Variants in DAPK1 observed in about 807,000 individuals in gnomAD.
DAPK1 encodes death-associated protein kinase 1.
A neutral mutation model predicts 144.9 loss-of-function variants in DAPK1; 56 were observed. The observed-to-expected ratio is 0.39, with a 90% confidence interval of 0.31 to 0.48. The LOEUF (loss-of-function observed/expected upper bound fraction) is 0.48, where lower values mean the gene tolerates loss of function less well. Among genes scored for constraint, DAPK1 ranks in the 20% least tolerant of loss-of-function variants. The probability of loss-of-function intolerance (pLI) is 0.95; values close to 1 mark genes in which losing one functional copy is unlikely to be tolerated. For missense variants in DAPK1, 1,454 were observed against 1,875.4 expected (o/e 0.78, Z 4.15); for synonymous variants, 690 against 749.0 (o/e 0.92, Z 1.29).
rs1830349887 is a variant in DAPK1, at chr9:87,648,868, A to G, written c.1417A>G (p.Ile473Val). The G allele has an allele frequency of 6.2e-7, 1 of 1,613,968 alleles. No individual in the cohort carries two copies. The highest frequency in any genetic ancestry group is 8.5e-7 in the Non-Finnish European group (1 of 1,179,940). ...LLCSFGSNPN[I>V]QDKEEETPLH... ...GTGCAGCTTCGGCTCAAATCCCAAT[A>G]TCCAGGACAAGGTGGGTCGTGACTG... Residue 473 changes from isoleucine to valine, a missense_variant, in exon 15 of 26, where the codon ATC becomes GTC. Ile to Val is a conservative substitution (Grantham distance 29, BLOSUM62 3). Transcript: ENST00000408954.
chr9:87,599,463 G>A (rs77773552), intron 2 of DAPK1, among the ~76,000 whole-genome samples: 8,059 of 152,202 alleles, frequency 0.053, 369 homozygotes, highest in East Asian at 0.24. Context: ...TATGAAGCTT[G>A]CTCCTTTTCG....
chr9:87,543,187 C>T (rs757779628), intron 2 of DAPK1, among the ~76,000 whole-genome samples: 71 of 152,114 alleles, frequency 4.7e-4, no homozygotes, highest in Non-Finnish European at 7.2e-4. Context: ...AATTCTTGGT[C>T]GGGGCTGTGA....
At chr9:87,696,689 C>G (rs1825269818) in intron 21 of DAPK1, among the ~76,000 whole-genome samples, 1 of 152,192 alleles carries the variant, frequency 6.6e-6, no homozygotes, top group African/African-American at 2.4e-5. Context: ...AACTAATCCA[C>G]TCTCACAAGA....
In DAPK1 at chr9:87,553,245, G is replaced by GC. The variant is rs199991539; in HGVS notation, c.63-51709_63-51708insC. Reference sequence around the variant, plus strand: ...TTCCTTGACTTGTGTCTGTCATGTGGGGGGGGTTGGGTGATTGGAAATATT... The same window carrying GC: ...TTCCTTGACTTGTGTCTGTCATGTGGCGGGGGGTTGGGTGATTGGAAATATT... On this transcript the variant is annotated intron_variant, in intron 2 of 25. Coordinates refer to ENST00000408954, the MANE Select transcript of DAPK1 (RefSeq NM_004938.4). 8.7e-3 allele frequency among the ~76,000 whole-genome samples: 1,320 copies of GC among 151,886 alleles called. 9 individuals carry two copies. The highest frequency in any genetic ancestry group is 0.012 in the Non-Finnish European group (782 of 67,900).
rs1340805950 is a variant in DAPK1, at chr9:87,708,580, A to T, written c.*1216A>T. On this transcript the variant is annotated 3_prime_UTR_variant, in exon 26 of 26. Transcript: ENST00000408954. ...TTTACTTAATCTATAAAATGTCGTT[A>T]AAAAGTTGTTTGTTTTTTTCTTTTT... 6.5e-6 allele frequency: 1 copy of T among 152,696 alleles called. No individual in the cohort carries two copies. The highest frequency in any genetic ancestry group is 2.4e-5 in the African/African-American group (1 of 41,558). The allele number at this position is 152,696 out of a possible 1,614,324, so 9.5% of individuals were successfully genotyped here.
At chr9:87,588,023 G>T (rs1046938186) in intron 2 of DAPK1, among the ~76,000 whole-genome samples, 1 of 152,184 alleles carries the variant, frequency 6.6e-6, no homozygotes, top group African/African-American at 2.4e-5. Context: ...TGGTTAATAC[G>T]TTGTTTGTCA....
chr9:87,601,906 G>A (rs3128522), intron 2 of DAPK1, among the ~76,000 whole-genome samples: 87,829 of 152,008 alleles, frequency 0.58, 27,924 homozygotes, highest in Non-Finnish European at 0.7. Context: ...AGATTCAGGC[G>A]TCAGCTGCAG....
chr9:87,686,872 G>C lies in DAPK1; in HGVS notation c.2413+133G>C. On this transcript the variant is annotated intron_variant, in intron 21 of 25. Coordinates refer to ENST00000408954, the MANE Select transcript of DAPK1 (RefSeq NM_004938.4). The surrounding 1 kb of genome is among the most constrained non-coding windows in gnomAD (Gnocchi z 4.2). ...GAAATCCAACACAGACTGATATTCA[G>C]AGTGAGCCAGGACTGAAGCATGGCT... The C allele has an allele frequency of 7.0e-7, 1 of 1,429,190 alleles. No homozygotes were observed. The highest frequency in any genetic ancestry group is 1.5e-5 in the South Asian group (1 of 68,530). The allele number at this position is 1,429,190 out of a possible 1,614,324, so 88.5% of individuals were successfully genotyped here.
chr9:87,538,356 A>C (rs943063872), intron 2 of DAPK1, among the ~76,000 whole-genome samples: 1 of 152,210 alleles, frequency 6.6e-6, no homozygotes, highest in Admixed American at 6.5e-5. Context: ...AAAGAAAATC[A>C]TTGTAAATAT....
chr9:87,699,244 C>T (rs1415146159), intron 23 of DAPK1, among the ~76,000 whole-genome samples: 1 of 152,136 alleles, frequency 6.6e-6, no homozygotes, highest in Non-Finnish European at 1.5e-5. Context: ...ATGAAAGCAA[C>T]CCCCTTCTTT....
intron 2 of DAPK1, among the ~76,000 whole-genome samples, chr9:87,559,844 A>G (rs75337578): frequency 0.12 from 17,779 of 152,046 alleles, 1,340 homozygotes; most frequent in Admixed American, 0.16. Context: ...CAGTGTCACC[A>G]GACTCGTGTG....
At chr9:87,700,389 A>G in intron 24 of DAPK1, 152 bp downstream of exon 24, 2 of 639,556 alleles carry the variant, frequency 3.1e-6, no homozygotes, top group East Asian at 5.0e-5. Flanking sequence ...AAGGAAGAAT[A>G]GAGAAACAAG....
chr9:87,602,474 G>A (rs930923507), intron 2 of DAPK1, among the ~76,000 whole-genome samples: 1 of 152,160 alleles, frequency 6.6e-6, no homozygotes, highest in African/African-American at 2.4e-5. Flanking sequence ...TGCCATCAGG[G>A]CTAACCTGCC....
chr9:87,635,338 C>T (rs778040668), intron 3 of DAPK1, among the ~76,000 whole-genome samples: 3 of 152,088 alleles, frequency 2.0e-5, no homozygotes, highest in African/African-American at 4.8e-5. Flanking sequence ...AAACTCCTGA[C>T]GTTTCTCATT....
chr9:87,688,350 G>A (rs751524309), intron 21 of DAPK1, among the ~76,000 whole-genome samples: 6 of 152,060 alleles, frequency 3.9e-5, no homozygotes, highest in South Asian at 2.1e-4. Context: ...ATTGATGGGC[G>A]CCTAGGTTGA....
intron 2 of DAPK1, among the ~76,000 whole-genome samples, chr9:87,505,666 A>G (rs1242684046): frequency 1.3e-5 from 2 of 149,356 alleles, no homozygotes; most frequent in East Asian, 4.0e-4. Context: ...AAGTGCTGGG[A>G]TTACAGGCAT....
chr9:87,590,170 AG>A (rs1317057350), intron 2 of DAPK1, among the ~76,000 whole-genome samples: 1 of 152,106 alleles, frequency 6.6e-6, no homozygotes, highest in East Asian at 1.9e-4. Context: ...TTCACGCATT[AG>A]TATTTGCCTA....
chr9:87,607,929 G>A (rs1828790810), intron 3 of DAPK1, among the ~76,000 whole-genome samples: 1 of 152,180 alleles, frequency 6.6e-6, no homozygotes, highest in Non-Finnish European at 1.5e-5. Flanking sequence ...AGGCTGTACA[G>A]GAAGCATGGC....
At chr9:87,590,591 T>A (rs746561226) in intron 2 of DAPK1, among the ~76,000 whole-genome samples, 14 of 151,772 alleles carry the variant, frequency 9.2e-5, no homozygotes, top group Non-Finnish European at 1.3e-4. Context: ...TTAAAAAATT[T>A]TTTTTTTTAT....
Sources: gnomAD v4.1 joint callset for allele counts (sites outside exome capture counted in the v4.1 genomes callset) on GRCh38, gnomAD v4.1.1 for gene constraint, Gnocchi (gnomAD v3.1) non-coding constraint, MANE v1.5 for transcripts, NCBI Gene and HGNC (gene_info 2026-07-23, HGNC 2026-07-21) for gene names.